DMXL2: variants seen among roughly 807,000 people sequenced by gnomAD.
DMXL2 encodes dmX-like protein 2.
A neutral mutation model predicts 331.1 loss-of-function variants in DMXL2; 103 were observed. The observed-to-expected ratio is 0.31, with a 90% CI of 0.27 to 0.37. The LOEUF (loss-of-function observed/expected upper bound fraction) is 0.37, where lower values mean the gene tolerates loss of function less well. DMXL2 is among the 10% of genes least tolerant of loss of function. DMXL2 has a pLI of 1.00. For missense variants in DMXL2, 3,171 were observed against 3,642.9 expected, an observed-to-expected ratio of 0.87 and a Z score of 3.33; for synonymous variants, 1,281 against 1,252.1, an observed-to-expected ratio of 1.02 and a Z score of -0.49.
intron 43 of DMXL2, among the ~76,000 whole-genome samples, chr15:51,449,557 A>G (rs966282215): frequency 2.0e-5 from 3 of 152,214 alleles, no homozygotes; most frequent in African/African-American, 4.8e-5. Context: ...TGGTTTGACA[A>G]GACTTTTTGA....
chr15:51,568,634 T>C, intron 2 of DMXL2, 76 bp from the exon 3 acceptor site: 2 of 914,430 alleles, frequency 2.2e-6, no homozygotes. Flanking sequence ...TAATAATGTA[T>C]AAACTAATTA....
In DMXL2 at chr15:51,576,054, A is replaced by C; in HGVS notation, c.213+2T>G. On this transcript the variant is annotated splice_donor_variant, in intron 2 of 43. Coordinates refer to ENST00000560891, the MANE Select transcript of DMXL2 (RefSeq NM_001378457.1). LOFTEE classifies it high-confidence loss of function. ...ATTCAGTAAAGAAATTAAATCCCTTACTCTTCCTTGTTGGTTAGAACACTC... is the reference window on the plus strand; with the variant it reads ...ATTCAGTAAAGAAATTAAATCCCTTCCTCTTCCTTGTTGGTTAGAACACTC... 1 of 1,597,602 alleles carries C rather than the reference A, an allele frequency of 6.3e-7. No individual in the cohort carries two copies.
intron 23 of DMXL2, among the ~76,000 whole-genome samples, 198 bp from the exon 24 acceptor site, chr15:51,481,821 T>C (rs945654565): frequency 7.2e-5 from 11 of 152,214 alleles, no homozygotes; most frequent in Non-Finnish European, 1.3e-4. Context: ...TACGGAGTGA[T>C]TCCCATCACT....
At chr15:51,493,603 C>G (rs1161566970) in intron 19 of DMXL2, among the ~76,000 whole-genome samples, 9 of 152,208 alleles carry the variant, frequency 5.9e-5, no homozygotes, top group Non-Finnish European at 1.5e-5. Flanking sequence ...TCCCTGAAAA[C>G]TGCTCCCAGG....
At position 51,506,182 on chromosome 15, in the gene DMXL2, C is replaced by A. The variant is rs1176522737; in HGVS notation, c.2764+952G>T. 7.2e-5 allele frequency among the ~76,000 whole-genome samples: 11 copies of A among 152,152 alleles called. No individual in the cohort carries two copies. In the South Asian group the frequency reaches 1.5e-3, roughly 20 times the overall value. ...CTGACTCCAGGGCTCAAGCAATCCTCCCATCTCAGCCTCCCAAGTATAGGT... is the reference window on the plus strand; with the variant it reads ...CTGACTCCAGGGCTCAAGCAATCCTACCATCTCAGCCTCCCAAGTATAGGT... On this transcript the variant is annotated intron_variant, in intron 16 of 43. Coordinates refer to ENST00000560891, the MANE Select transcript of DMXL2 (RefSeq NM_001378457.1).
At chr15:51,496,581 G>A (rs1436427291) in intron 18 of DMXL2, among the ~76,000 whole-genome samples, 1 of 152,212 alleles carries the variant, frequency 6.6e-6, no homozygotes, top group East Asian at 1.9e-4. Context: ...TTGAGCAAAG[G>A]AGAGATTTAA....
intron 43 of DMXL2, among the ~76,000 whole-genome samples, chr15:51,449,612 G>A (rs895711727): frequency 6.6e-6 from 1 of 152,120 alleles, no homozygotes; most frequent in African/African-American, 2.4e-5. Context: ...ACGCTCCTTG[G>A]CTTATCCTGA....
chr15:51,463,196 T>C (rs1159766162), intron 33 of DMXL2, 183 bp downstream of exon 33: 2 of 456,560 alleles, frequency 4.4e-6, no homozygotes, highest in Non-Finnish European at 7.9e-6. Context: ...ACCTATGTTG[T>C]TTCATTGCTA....
At chr15:51,509,570 C>T (rs1270923354) in intron 15 of DMXL2, among the ~76,000 whole-genome samples, 1 of 152,042 alleles carries the variant, frequency 6.6e-6, no homozygotes, top group Admixed American at 6.6e-5. Flanking sequence ...AATTAATATC[C>T]TATCAACCAA....
In DMXL2 at chr15:51,458,771, C is replaced by T; in HGVS notation, c.8014G>A (p.Gly2672Ser). The change falls in exon 35 of 44, where the codon GGT (glycine) becomes AGT (serine). Residue 2672 changes from glycine (G) to serine (S), a missense_variant. Gly to Ser is a moderately conservative substitution (Grantham distance 56). Coordinates refer to ENST00000560891, the MANE Select transcript of DMXL2 (RefSeq NM_001378457.1). The part of the protein sequence containing the change: ...IKVEADLGYP[G>S]GKAKVIHKES... ...TTATGGATGACTTTCGCCTTTCCACCTGGATAGCCCAGATCAGCTTCAACC... is the reference window on the plus strand; with the variant it reads ...TTATGGATGACTTTCGCCTTTCCACTTGGATAGCCCAGATCAGCTTCAACC... The T allele has an allele frequency of 6.2e-7, 1 of 1,613,978 alleles. No homozygotes were observed. The highest frequency in any genetic ancestry group is 8.5e-7 in the Non-Finnish European group (1 of 1,179,928).
At chr15:51,547,835 T>C (rs2048971991) in intron 6 of DMXL2, among the ~76,000 whole-genome samples, 1 of 152,166 alleles carries the variant, frequency 6.6e-6, no homozygotes, top group South Asian at 2.1e-4. Context: ...CGAACATGAA[T>C]TGTTTCTTGC....
chr15:51,495,278 GTCTTTACAAAAAATTA>G, intron 18 of DMXL2, 144 bp from the exon 19 acceptor site: 1 of 442,664 alleles, frequency 2.3e-6, no homozygotes, highest in Non-Finnish European at 4.0e-6. Context: ...ACACTTTAAC[GTCTTTACAAAAAATTA>G]TCTTTACAAA....
chr15:51,499,917 G>T lies in DMXL2; in HGVS notation c.3307C>A (p.His1103Asn), dbSNP rs1210003747. The T allele has an allele frequency of 1.2e-6, 2 of 1,613,910 alleles. No individual in the cohort carries two copies. The highest frequency in any genetic ancestry group is 8.5e-7 in the Non-Finnish European group (1 of 1,179,988). The change falls in exon 18 of 44, where the codon CAT (histidine) becomes AAT (asparagine). Residue 1103 changes from histidine (H) to asparagine (N), a missense_variant. This residue lies in a region of DMXL2 where 1,674 missense variants were observed against 1,780.2 expected (regional missense o/e 0.94). Transcript: ENST00000560891. ...GATTCACATTCAAATATACAAACAT[G>T]CATGGAAAATTCTTTAGAAACAAAA... Reference protein sequence around the residue: ...NGFVSKEFSMHVCIFECESTG... With the variant: ...NGFVSKEFSMNVCIFECESTG...
intron 8 of DMXL2, 150 bp from the exon 9 acceptor site, chr15:51,542,657 T>C (rs956392145): frequency 2.0e-5 from 12 of 588,914 alleles, no homozygotes; most frequent in Admixed American, 1.3e-4. Context: ...AGTAGAACTA[T>C]TTTGGATGTA....
chr15:51,598,621 A>T (rs555608537), intron 1 of DMXL2, among the ~76,000 whole-genome samples: 1 of 152,328 alleles, frequency 6.6e-6, no homozygotes, highest in East Asian at 1.9e-4. Flanking sequence ...AAGAACACAG[A>T]TCAGTTATTT....
intron 1 of DMXL2, among the ~76,000 whole-genome samples, chr15:51,590,045 C>T (rs1303935412): frequency 1.3e-5 from 2 of 152,234 alleles, no homozygotes; most frequent in African/African-American, 4.8e-5. Flanking sequence ...AGTGCCCCAT[C>T]TACAGTCCTT....
chr15:51,478,368 A>G (rs755451149), intron 25 of DMXL2, 21 bp from the exon 26 acceptor site: 2 of 1,605,178 alleles, frequency 1.2e-6, no homozygotes, highest in African/African-American at 1.3e-5. Flanking sequence ...AACAGTCACA[A>G]TTACATTTTG....
At chr15:51,553,992 A>G (rs902044515) in intron 6 of DMXL2, among the ~76,000 whole-genome samples, 1 of 152,338 alleles carries the variant, frequency 6.6e-6, no homozygotes, top group Non-Finnish European at 1.5e-5. Context: ...TTAACTGTAC[A>G]TGAGTCAAGG....
chr15:51,471,395 G>C lies in DMXL2; in HGVS notation c.7220C>G (p.Pro2407Arg), dbSNP rs144657780. 4 of 1,594,840 alleles carry C rather than the reference G, an allele frequency of 2.5e-6. No individual in the cohort carries two copies. The highest frequency in any genetic ancestry group is 3.4e-6 in the Non-Finnish European group (4 of 1,169,356). Reference protein sequence around the residue: ...RRQSENISAPPVLSEDIDKHR... With the variant: ...RRQSENISAPRVLSEDIDKHR... ...TTTATCTATGTCTTCAGAAAGGACA[G>C]GAGGTGCTAAATGAAGATAGAAGGA... The change falls in exon 29 of 44, where the codon CCT becomes CGT. Residue 2407 changes from proline to arginine, a missense_variant. This residue lies in a region of DMXL2 where 766 missense variants were observed against 940.5 expected (regional missense o/e 0.81). Transcript: ENST00000560891.
Sources: allele counts gnomAD v4.1 joint callset (sites outside exome capture counted in the v4.1 genomes callset), GRCh38; gene constraint gnomAD v4.1.1; regional missense constraint gnomAD v4.1.1; transcripts MANE v1.5; gene names NCBI Gene and HGNC (gene_info 2026-07-23, HGNC 2026-07-21).